The following MAGIX variants were observed in gnomAD, a reference collection of about 807,000 sequenced individuals.
MAGIX encodes the protein MAGI family member, X-linked.
In MAGIX, 13 loss-of-function variants were observed where a neutral mutation model predicts 10.0. The ratio of observed to expected loss-of-function variants is 1.30; its 90% CI spans 0.84 to 2.06. The LOEUF (loss-of-function observed/expected upper bound fraction) is 2.06, where lower values mean the gene tolerates loss of function less well. Among genes scored for constraint, MAGIX ranks in the 30% most tolerant of loss-of-function variants. The pLI, the probability that MAGIX is intolerant of heterozygous loss-of-function variation, is 0.00. For synonymous variants in MAGIX, 108 were observed against 106.8 expected (o/e 1.01, Z -0.07); for missense variants, 235 against 245.2 (o/e 0.96, Z 0.28).
At position 49,165,332 on chromosome X, in the gene MAGIX, G is replaced by C. The variant is rs782297286; in HGVS notation, c.473G>C (p.Arg158Pro). 7 of 1,171,237 alleles carry C rather than the reference G, an allele frequency of 6.0e-6. No homozygotes were observed. The highest frequency in any genetic ancestry group is 2.5e-5 in the Admixed American group (1 of 39,470). Residue 158 changes from arginine (R) to proline (P), a missense_variant, in exon 4 of 5, where the codon CGA becomes CCA. By Grantham distance (103) the Arg-to-Pro change is moderately radical (BLOSUM62 -2). Transcript: ENST00000616266. Reference sequence around the variant, plus strand: ...CTGGAGACCCACCCTGGCAAGCCTCGAGGGGTGGGAGAGCCCCGAAAAGGA... The same window carrying C: ...CTGGAGACCCACCCTGGCAAGCCTCCAGGGGTGGGAGAGCCCCGAAAAGGA...
At chrX:49,165,163 C>T (rs782689357) in intron 3 of MAGIX, 27 bp from the exon 5 acceptor site, 11 of 1,201,160 alleles carry the variant, frequency 9.2e-6, no homozygotes, top group Non-Finnish European at 1.2e-5. Context: ...TTTGCCTTTC[C>T]AACACGACTG....
exon 5 of MAGIX, chrX:49,166,106 G>C: frequency 8.3e-7 from 1 of 1,211,643 alleles, no homozygotes; most frequent in Admixed American, 2.2e-5. Flanking sequence ...CCCAGATCCT[G>C]GAGGGCCGGA....
At chrX:49,166,425 A>C in exon 5 of MAGIX, 9 of 1,080,746 alleles carry the variant, frequency 8.3e-6, no homozygotes, top group Non-Finnish European at 8.5e-6. Context: ...CGCGGGGCTC[A>C]CTAGTTACCG....
At chrX:49,166,553 G>A (rs1234177654) in exon 5 of MAGIX, 12 of 465,268 alleles carry the variant, frequency 2.6e-5, no homozygotes, top group Middle Eastern at 6.0e-4. Flanking sequence ...CCCTCGCAGC[G>A]TCAGTGGTAC....
intron 1 of MAGIX, chrX:49,162,818 G>A (rs2065337738): frequency 6.4e-6 from 4 of 626,887 alleles, no homozygotes; most frequent in African/African-American, 4.9e-5. Context: ...TGGGCGGGCC[G>A]CCAGGTGAGC....
chrX:49,168,492 A>T, downstream of MAGIX: 1 of 87,975 alleles, frequency 1.1e-5, no homozygotes, highest in South Asian at 5.4e-4. Flanking sequence ...AAAAAAAAAA[A>T]ACTTCAGGCC....
exon 3 of MAGIX, chrX:49,164,913 G>C: frequency 8.2e-7 from 1 of 1,212,271 alleles, no homozygotes; most frequent in Non-Finnish European, 1.1e-6. Context: ...TCCAGGGTAA[G>C]GCACGTAGTG....
At position 49,166,203 on chromosome X, in the gene MAGIX, A is replaced by C. The variant is rs782017433; in HGVS notation, c.632A>C (p.Glu211Ala). ...CTCAAGAAGACCCGGGGCAGCCCGG[A>C]GCCTAGTCCAGAGGCGGCCGCCGAT... Residue 211 changes from glutamate to alanine, a missense_variant, in exon 5 of 5, where the codon GAG (glutamate) becomes GCG (alanine). Physicochemically the swap from Glu to Ala is moderately radical, Grantham distance 107. Coordinates refer to ENST00000616266, the Ensembl canonical transcript of MAGIX. 1.7e-4 allele frequency: 210 copies of C among 1,208,515 alleles called. 2 individuals are homozygous for C. In the East Asian group the frequency reaches 6.2e-3, roughly 36 times the overall value.
chrX:49,165,260 G>A (rs782763931), exon 4 of MAGIX: 20 of 1,180,624 alleles, frequency 1.7e-5, no homozygotes, highest in Non-Finnish European at 2.2e-5. Context: ...GCCGTGGAGC[G>A]GATCCGAGCT....
At chrX:49,166,039 C>A (rs782465589) in intron 4 of MAGIX, 35 bp from the exon 6 acceptor site, 3 of 1,179,032 alleles carry the variant, frequency 2.5e-6, no homozygotes, top group African/African-American at 3.6e-5. Context: ...GCCTGGATTT[C>A]CCTTCCCTAC....
exon 2 of MAGIX, chrX:49,163,805 G>C (rs1557096778): frequency 9.5e-7 from 1 of 1,049,824 alleles, no homozygotes; most frequent in African/African-American, 2.0e-5. Context: ...CCCCGCTCGC[G>C]GGCCCTAGCG....
In MAGIX at chrX:49,163,969, G is replaced by A. The variant is rs191053788; in HGVS notation, c.-55+40G>A. The A allele has an allele frequency of 2.5e-3, 2,467 of 997,629 alleles. 129 individuals are homozygous for A. In the Admixed American group the frequency reaches 0.12, roughly 49 times the overall value. 82.2% of individuals were successfully genotyped at this position (997,629 alleles called of 1,213,427 possible). On this transcript the variant is annotated intron_variant, in intron 2 of 4. Coordinates refer to ENST00000616266, the Ensembl canonical transcript of MAGIX. ...CAGGGCCTCCGCTGGGGGAGGGTTC[G>A]GAGAGGAGTTGGGTTCAGTGGGACA...
chrX:49,165,354 A>G (rs782406333), exon 4 of MAGIX: 1 of 1,164,218 alleles, frequency 8.6e-7, no homozygotes, highest in Non-Finnish European at 1.1e-6. Flanking sequence ...AGCCCCGAAA[A>G]GGAGTTGGTG....
chrX:49,165,090 G>A, exon 3 of MAGIX: 1 of 1,203,979 alleles, frequency 8.3e-7, no homozygotes, highest in Non-Finnish European at 1.1e-6. Flanking sequence ...GTCGTTTGGA[G>A]GTGAGCCCTG....
intron 4 of MAGIX, 87 bp from the exon 6 acceptor site, chrX:49,165,987 C>A: frequency 1.1e-6 from 1 of 942,407 alleles, no homozygotes; most frequent in Non-Finnish European, 1.5e-6. Flanking sequence ...AGGGTCTCAT[C>A]TCCCGCAGCC....
chrX:49,164,982 A>C (rs782166610), exon 3 of MAGIX: 1 of 1,211,995 alleles, frequency 8.3e-7, no homozygotes, highest in Admixed American at 2.2e-5. Flanking sequence ...GCGGTTACGC[A>C]GGCTTTGGCC....
At chrX:49,164,760 C>T in exon 3 of MAGIX, 1 of 1,212,136 alleles carries the variant, frequency 8.2e-7, no homozygotes. Context: ...TCGCCTGCCT[C>T]ATGCCACTAT....
exon 3 of MAGIX, chrX:49,164,766 A>G: frequency 1.7e-6 from 2 of 1,211,569 alleles, no homozygotes; most frequent in East Asian, 5.9e-5. Context: ...GCCTCATGCC[A>G]CTATTGTGGA....
exon 2 of MAGIX, chrX:49,163,869 G>T (rs2065346739): frequency 9.6e-7 from 1 of 1,040,312 alleles, no homozygotes; most frequent in Admixed American, 5.3e-5. Context: ...GCGAGCTGCG[G>T]TCGACGTGGC....
Sources: allele counts gnomAD v4.1 joint callset, GRCh38; gene constraint gnomAD v4.1.1; transcripts MANE v1.5; gene names NCBI Gene and HGNC (gene_info 2026-07-23, HGNC 2026-07-21).